The following RBFOX1 variants were observed in gnomAD, a reference collection of about 807,000 sequenced individuals.
RBFOX1 encodes RNA binding fox-1 homolog 1, also known as RNA binding protein fox-1 homolog 1.
A neutral mutation model predicts 57.7 loss-of-function variants in RBFOX1; 8 were observed. That is an observed-to-expected ratio of 0.14 (90% CI 0.08 to 0.25). The LOEUF is 0.25. RBFOX1 is among the 10% of genes least tolerant of loss of function. The pLI is 1.00. For synonymous variants in RBFOX1, 326 were observed against 222.4 expected (o/e 1.47, Z -4.15); for missense variants, 611 against 548.5 (o/e 1.11, Z -1.14).
intron 12 of RBFOX1, among the ~76,000 whole-genome samples, chr16:7,663,681 A>G (rs2058190): frequency 0.96 from 146,417 of 152,186 alleles, 70,705 homozygotes; most frequent in Non-Finnish European, 1. Flanking sequence ...GTCCTTTGCC[A>G]GAATCATAAG....
chr16:7,518,248 C>A lies in RBFOX1; in HGVS notation c.129C>A (p.Ala43=), dbSNP rs776138625. 5.0e-6 allele frequency: 8 copies of A among 1,614,030 alleles called. No individual in the cohort carries two copies. In the African/African-American group the frequency reaches 1.1e-4, roughly 22 times the overall value. Residue 43 remains alanine, a synonymous_variant, in exon 5 of 16, where the codon GCC becomes GCA. Coordinates refer to ENST00000550418, the MANE Select transcript of RBFOX1 (RefSeq NM_018723.4). ...PQNGIPAEYT[A]PHPHPAPEYT... Reference sequence around the variant, plus strand: ...ACGGTATCCCCGCGGAATACACGGCCCCTCATCCCCACCCCGCGCCAGAGT... The same window carrying A: ...ACGGTATCCCCGCGGAATACACGGCACCTCATCCCCACCCCGCGCCAGAGT...
intron 11 of RBFOX1, among the ~76,000 whole-genome samples, chr16:7,633,110 G>C (rs575280835): frequency 3.9e-5 from 6 of 152,278 alleles, no homozygotes; most frequent in African/African-American, 9.6e-5. Flanking sequence ...ATGATGTTTA[G>C]ATTTTCCAAG....
rs2072911272 is a variant in RBFOX1, at chr16:6,743,825, T to G, written c.-16+89175T>G. 5.2e-3 allele frequency among the ~76,000 whole-genome samples: 587 copies of G among 111,830 alleles called. 81 individuals are homozygous for G. The highest frequency in any genetic ancestry group is 0.021 in the African/African-American group (578 of 27,520). The allele number at this position is 111,830 out of a possible 152,430, so 73.4% of individuals were successfully genotyped here. A position where few individuals can be genotyped will look rare whatever the true frequency, so the allele number is the denominator to read the frequency against. On this transcript the variant is annotated intron_variant, in intron 3 of 15. Transcript: ENST00000550418. ...ATTATTTTTTCTCATGTGTTTTGACTATTTAAAAAATCATGTTCATTTATT... is the reference window on the plus strand; with the variant it reads ...ATTATTTTTTCTCATGTGTTTTGACGATTTAAAAAATCATGTTCATTTATT...
Position 7,519,158 on chromosome 16 carries a change from G to A in RBFOX1, c.270+769G>A, listed in dbSNP as rs900468451. On this transcript the variant is annotated intron_variant, in intron 5 of 15. Transcript: ENST00000550418. ...ATGATTGCCGGATGCATCTAATTTCGGAACATTTCCATCAGCCTAAATACA... is the reference window on the plus strand; with the variant it reads ...ATGATTGCCGGATGCATCTAATTTCAGAACATTTCCATCAGCCTAAATACA... Among the ~76,000 whole-genome samples the A allele has an allele frequency of 3.3e-5, 5 of 152,020 alleles. 1 individual carries two copies. The highest frequency in any genetic ancestry group is 4.1e-4 in the South Asian group (2 of 4,820).
rs1217661192 is a variant in RBFOX1 at position 6,644,248 on chromosome 16, AAG to A, written c.-63-10354_-63-10353del. Reference sequence around the variant, plus strand: ...TTATTTTCACAACAATAGGCAATGTAAGCATGCATCCAAACTATCAGAAAGCT... The same window carrying A: ...TTATTTTCACAACAATAGGCAATGTACATGCATCCAAACTATCAGAAAGCT... On this transcript the variant is annotated intron_variant, in intron 2 of 15. Coordinates refer to ENST00000550418, the MANE Select transcript of RBFOX1 (RefSeq NM_018723.4). Among the ~76,000 whole-genome samples the A allele has an allele frequency of 3.9e-5, 6 of 152,318 alleles. No homozygotes were observed. The East Asian group carries it at 1.2e-3, about 29-fold the overall frequency.
At chr16:6,923,075 C>T (rs956603076) in intron 3 of RBFOX1, among the ~76,000 whole-genome samples, 2 of 152,156 alleles carry the variant, frequency 1.3e-5, no homozygotes, top group Non-Finnish European at 2.9e-5. Flanking sequence ...GCTGTTATTA[C>T]CCCTAAGCCC....
chr16:5,786,987 T>C (rs2054524365), intron 3 of RBFOX1, among the ~76,000 whole-genome samples: 1 of 152,008 alleles, frequency 6.6e-6, no homozygotes. Flanking sequence ...AACACAAAGA[T>C]TAACTGGGCG....
intron 4 of RBFOX1, among the ~76,000 whole-genome samples, chr16:7,401,755 A>G (rs1568649851): frequency 6.6e-6 from 1 of 152,184 alleles, no homozygotes; most frequent in African/African-American, 2.4e-5. Flanking sequence ...TATGGACTCA[A>G]CAGACATATT....
chr16:5,949,773 G>A (rs1029019476), intron 4 of RBFOX1, among the ~76,000 whole-genome samples: 1 of 152,088 alleles, frequency 6.6e-6, no homozygotes, highest in Non-Finnish European at 1.5e-5. Flanking sequence ...TCATCACCCC[G>A]AATATTCTTT....
intron 1 of RBFOX1, among the ~76,000 whole-genome samples, chr16:6,043,659 C>T (rs1208697670): frequency 1.3e-5 from 2 of 152,092 alleles, no homozygotes; most frequent in South Asian, 2.1e-4. Context: ...TCTGTTCAGT[C>T]AGTTGAAGAG....
chr16:7,439,638 A>G (rs1388564884), intron 4 of RBFOX1, among the ~76,000 whole-genome samples: 1 of 152,212 alleles, frequency 6.6e-6, no homozygotes, highest in Non-Finnish European at 1.5e-5. Flanking sequence ...TTTTTCCTGA[A>G]GATAAATTTT....
intron 2 of RBFOX1, among the ~76,000 whole-genome samples, chr16:6,359,874 T>C (rs2088113528): frequency 6.6e-6 from 1 of 152,180 alleles, no homozygotes; most frequent in African/African-American, 2.4e-5. Flanking sequence ...ATAGAAATTA[T>C]AAAGCTTCAT....
At chr16:6,242,272 C>A (rs1168189398) in intron 1 of RBFOX1, among the ~76,000 whole-genome samples, 1 of 152,156 alleles carries the variant, frequency 6.6e-6, no homozygotes, top group African/African-American at 2.4e-5. Context: ...GGATCATATC[C>A]AAGCTCACTG....
At chr16:7,058,003 G>C (rs62014069) in intron 4 of RBFOX1, among the ~76,000 whole-genome samples, 1 of 33,410 alleles carries the variant, frequency 3.0e-5, no homozygotes, top group African/African-American at 6.4e-5. Flanking sequence ...GGGAGACTGT[G>C]GGGAAAAAAA....
At chr16:7,075,928 T>C (rs911660656) in intron 4 of RBFOX1, among the ~76,000 whole-genome samples, 1 of 151,974 alleles carries the variant, frequency 6.6e-6, no homozygotes, top group Non-Finnish European at 1.5e-5. Context: ...TGAATAACCA[T>C]GGCTTTATTT....
chr16:7,057,481 C>G (rs187734294), intron 4 of RBFOX1, among the ~76,000 whole-genome samples: 1 of 152,158 alleles, frequency 6.6e-6, no homozygotes. Flanking sequence ...CACCTTCTAG[C>G]CCCTAAGATG....
intron 4 of RBFOX1, among the ~76,000 whole-genome samples, chr16:7,181,222 A>T (rs1035504925): frequency 6.6e-6 from 1 of 152,136 alleles, no homozygotes; most frequent in East Asian, 1.9e-4. Context: ...GATGTTAAAT[A>T]GGGAAACTGC....
chr16:7,148,130 A>C (rs540945650), intron 4 of RBFOX1, among the ~76,000 whole-genome samples: 5 of 152,310 alleles, frequency 3.3e-5, no homozygotes, highest in African/African-American at 9.6e-5. Flanking sequence ...TTGACTTAGG[A>C]AAACAAAGCA....
intron 12 of RBFOX1, among the ~76,000 whole-genome samples, chr16:7,658,383 G>C (rs1465577932): frequency 2.0e-5 from 3 of 152,058 alleles, no homozygotes; most frequent in African/African-American, 7.3e-5. Context: ...TATTGAGTAG[G>C]GAACAGTCAC....
Sources: gnomAD v4.1 joint callset for allele counts (sites outside exome capture counted in the v4.1 genomes callset) on GRCh38, gnomAD v4.1.1 for gene constraint, MANE v1.5 for transcripts, NCBI Gene and HGNC (gene_info 2026-07-23, HGNC 2026-07-21) for gene names.